The following RALY variants were observed in gnomAD, a reference collection of about 807,000 sequenced individuals.
The protein encoded by RALY is RALY heterogeneous nuclear ribonucleoprotein, also known as RNA-binding protein Raly.
Under a neutral mutation model 30.7 loss-of-function variants are expected in RALY, and 15 were observed. The observed-to-expected ratio is 0.49, with a 90% CI of 0.33 to 0.75. The LOEUF (loss-of-function observed/expected upper bound fraction) is 0.75, where lower values mean the gene tolerates loss of function less well. RALY is among the 30% of genes least tolerant of loss of function. The pLI is 0.02. For missense variants in RALY, 339 were observed against 414.3 expected (o/e 0.82, Z 1.58); for synonymous variants, 177 against 170.8 (o/e 1.04, Z -0.28).
chr20:34,068,840 A>G (rs1295408442), intron 2 of RALY, among the ~76,000 whole-genome samples: 1 of 152,140 alleles, frequency 6.6e-6, no homozygotes, highest in African/African-American at 2.4e-5. Flanking sequence ...TGGTCACTCA[A>G]GCCTTTGCAC....
At chr20:34,028,773 C>T (rs908236305) in intron 1 of RALY, among the ~76,000 whole-genome samples, 2 of 141,498 alleles carry the variant, frequency 1.4e-5, no homozygotes, top group Non-Finnish European at 3.0e-5. Flanking sequence ...TTCAGGATTA[C>T]GTCATAGATT....
chr20:33,995,155 G>GA (rs1325048395), intron 1 of RALY, among the ~76,000 whole-genome samples: 3 of 152,222 alleles, frequency 2.0e-5, no homozygotes, highest in African/African-American at 7.2e-5. Flanking sequence ...CTATACTGTG[G>GA]ATGAAATCCC....
At chr20:34,068,647 A>C (rs543403862) in intron 2 of RALY, among the ~76,000 whole-genome samples, 1 of 152,198 alleles carries the variant, frequency 6.6e-6, no homozygotes, top group Non-Finnish European at 1.5e-5. Context: ...GTTCTGAATG[A>C]AGCTAATAAA....
At chr20:34,025,897 T>TG (rs2032007921) in intron 1 of RALY, among the ~76,000 whole-genome samples, 3 of 100,784 alleles carry the variant, frequency 3.0e-5, no homozygotes, top group Admixed American at 1.2e-4. Context: ...AGATTCCTGG[T>TG]TGTTTTTTTT....
In RALY at chr20:34,008,299, C is replaced by T. The variant is rs1479137941; in HGVS notation, c.-93+14168C>T. Among the ~76,000 whole-genome samples, 8 of 152,046 alleles carry T rather than the reference C, an allele frequency of 5.3e-5. 1 individual carries two copies. Among genetic ancestry groups the T allele is most frequent in the Admixed American group, 5.2e-4 (8 of 15,264 alleles). On this transcript the variant is annotated intron_variant, in intron 1 of 9. Transcript: ENST00000246194. ...GGAGATGCTGAAGGAATCTGGGGAA[C>T]ATAGAATAATGATGGAATGAAGCAT... is the stretch of plus-strand genomic sequence containing the variant.
intron 1 of RALY, chr20:34,016,365 C>G (rs955474211): frequency 1.3e-5 from 2 of 152,242 alleles, no homozygotes; most frequent in African/African-American, 4.8e-5. Context: ...AGGACTGGAT[C>G]AGACAATAGT....
chr20:34,036,631 T>C (rs1255640485), intron 2 of RALY, among the ~76,000 whole-genome samples: 1 of 152,256 alleles, frequency 6.6e-6, no homozygotes, highest in Non-Finnish European at 1.5e-5. Flanking sequence ...AATTGTTTGA[T>C]AGAATTCATC....
chr20:34,067,527 C>T (rs1469840667), intron 2 of RALY, among the ~76,000 whole-genome samples: 1 of 152,170 alleles, frequency 6.6e-6, no homozygotes, highest in African/African-American at 2.4e-5. Flanking sequence ...TCAGAGGTAC[C>T]TTTTAGGGCT....
chr20:34,010,779 A>T (rs2031365521), intron 1 of RALY, among the ~76,000 whole-genome samples: 1 of 152,206 alleles, frequency 6.6e-6, no homozygotes, highest in Admixed American at 6.5e-5. Context: ...CAACTGCCTG[A>T]TTAAACCTCT....
At chr20:34,072,401 C>T in intron 3 of RALY, 71 bp downstream of exon 3, 1 of 1,512,858 alleles carries the variant, frequency 6.6e-7, no homozygotes, top group African/African-American at 1.4e-5. Flanking sequence ...GTTCTCAACC[C>T]CCTTCTCTCT....
At chr20:34,077,674 G>T (rs760835109) in intron 8 of RALY, 24 of 273,016 alleles carry the variant, frequency 8.8e-5, no homozygotes, top group Admixed American at 4.6e-4. Flanking sequence ...TGAGCTCCCC[G>T]CCTGTTACTA....
chr20:34,058,266 G>A (rs1156411805), intron 2 of RALY, among the ~76,000 whole-genome samples: 1 of 152,040 alleles, frequency 6.6e-6, no homozygotes, highest in Non-Finnish European at 1.5e-5. Flanking sequence ...GGGGTTCATT[G>A]GTTGGCTTTC....
chr20:34,040,764 A>G, intron 2 of RALY, among the ~76,000 whole-genome samples: 1 of 152,234 alleles, frequency 6.6e-6, no homozygotes, highest in Non-Finnish European at 1.5e-5. Context: ...GCTGAGGCTC[A>G]GTGAAGTGAA....
chr20:34,052,724 C>T (rs2033117592), intron 2 of RALY, among the ~76,000 whole-genome samples: 1 of 152,214 alleles, frequency 6.6e-6, no homozygotes, highest in African/African-American at 2.4e-5. Context: ...AAGTCGAACT[C>T]TGTTCTTCCT....
At chr20:34,039,948 T>G (rs2123129388) in intron 2 of RALY, among the ~76,000 whole-genome samples, 1 of 152,140 alleles carries the variant, frequency 6.6e-6, no homozygotes, top group South Asian at 2.1e-4. Flanking sequence ...CCGTCTCTAC[T>G]AAAAATACAA....
At chr20:34,000,845 A>G (rs1450138190) in intron 1 of RALY, among the ~76,000 whole-genome samples, 1 of 152,176 alleles carries the variant, frequency 6.6e-6, no homozygotes, top group African/African-American at 2.4e-5. Context: ...TGCTTGCCAA[A>G]CCCATGTTAA....
intron 2 of RALY, among the ~76,000 whole-genome samples, chr20:34,034,805 TA>T (rs2032416554): frequency 6.6e-6 from 1 of 152,044 alleles, no homozygotes; most frequent in Non-Finnish European, 1.5e-5. Flanking sequence ...TAATACCATC[TA>T]GGGGTGAGAG....
At chr20:34,023,359 A>T (rs1202818434) in intron 1 of RALY, among the ~76,000 whole-genome samples, 1 of 152,172 alleles carries the variant, frequency 6.6e-6, no homozygotes, top group Non-Finnish European at 1.5e-5. Context: ...AGGCAAGTGA[A>T]CGGTGGTCAA....
intron 1 of RALY, among the ~76,000 whole-genome samples, chr20:34,025,899 G>GTTTTTTTTTTTTTTTTT (rs35827160): frequency 6.6e-5 from 5 of 75,912 alleles, no homozygotes; most frequent in South Asian, 6.4e-4. Context: ...ATTCCTGGTT[G>GTTTTTTTTTTTTTTTTT]TTTTTTTTTT....
Sources: gnomAD v4.1 joint callset for allele counts (sites outside exome capture counted in the v4.1 genomes callset) on GRCh38, gnomAD v4.1.1 for gene constraint, MANE v1.5 for transcripts, NCBI Gene and HGNC (gene_info 2026-07-23, HGNC 2026-07-21) for gene names.